The following DIAPH2 variants were observed in gnomAD, a reference collection of about 807,000 sequenced individuals.
The protein encoded by DIAPH2 is protein diaphanous homolog 2.
Under a neutral mutation model 92.7 loss-of-function variants are expected in DIAPH2, and 35 were observed. The ratio of observed to expected loss-of-function variants is 0.38; its 90% CI spans 0.29 to 0.50. The LOEUF (loss-of-function observed/expected upper bound fraction) is 0.50. Among genes scored for constraint, DIAPH2 ranks in the 20% least tolerant of loss-of-function variants. The probability of loss-of-function intolerance (pLI) is 0.94; values close to 1 mark genes in which losing one functional copy is unlikely to be tolerated. For missense variants in DIAPH2, 701 were observed against 819.5 expected (o/e 0.86, Z 1.77); for synonymous variants, 301 against 280.4 (o/e 1.07, Z -0.73).
At chrX:97,254,010 C>G (rs1297446834) in intron 23 of DIAPH2, among the ~76,000 whole-genome samples, 3 of 111,561 alleles carry the variant, frequency 2.7e-5, no homozygotes, top group Admixed American at 9.5e-5. Flanking sequence ...AAGGGGATTC[C>G]CCCTAAACCA....
At chrX:96,822,890 T>C (rs1444941164) in intron 4 of DIAPH2, among the ~76,000 whole-genome samples, 2 of 112,228 alleles carry the variant, frequency 1.8e-5, no homozygotes, top group Non-Finnish European at 3.8e-5. Flanking sequence ...ATGTGTATCC[T>C]AATAGAAATA....
At chrX:96,933,933 A>G (rs1328287613) in intron 10 of DIAPH2, among the ~76,000 whole-genome samples, 1 of 109,460 alleles carries the variant, frequency 9.1e-6, no homozygotes, top group Non-Finnish European at 1.9e-5. Context: ...TACATTTTCT[A>G]TAGAGACAGG....
In DIAPH2 at chrX:96,732,071, A is replaced by G. The variant is rs1356591361; in HGVS notation, c.133-3687A>G. Among the ~76,000 whole-genome samples the G allele has an allele frequency of 2.7e-5, 3 of 111,250 alleles. No individual in the cohort carries two copies. The Admixed American group carries it at 2.9e-4, about 11-fold the overall frequency. On this transcript the variant is annotated intron_variant, in intron 1 of 26. Transcript: ENST00000324765. ...GTAGCTCTGTAGTTTGTACACAGGAATGAAATCCATGTTTACTTGCATGTG... is the reference window on the plus strand; with the variant it reads ...GTAGCTCTGTAGTTTGTACACAGGAGTGAAATCCATGTTTACTTGCATGTG...
chrX:97,028,693 C>A (rs755422301), intron 17 of DIAPH2, among the ~76,000 whole-genome samples: 1 of 111,921 alleles, frequency 8.9e-6, no homozygotes, highest in Non-Finnish European at 1.9e-5. Flanking sequence ...GATGGTTTAT[C>A]CGTTCATCAG....
At chrX:96,776,400 G>A (rs1193989033) in intron 4 of DIAPH2, among the ~76,000 whole-genome samples, 2 of 109,330 alleles carry the variant, frequency 1.8e-5, no homozygotes, top group Admixed American at 9.9e-5. Flanking sequence ...TAGTAGAGAC[G>A]GGGTTTCACC....
intron 26 of DIAPH2, among the ~76,000 whole-genome samples, chrX:97,440,847 G>A (rs1243395400): frequency 9.1e-6 from 1 of 110,434 alleles, no homozygotes; most frequent in Non-Finnish European, 1.9e-5. Flanking sequence ...AGGGTAGGAG[G>A]GGGGTGAGAG....
intron 26 of DIAPH2, among the ~76,000 whole-genome samples, chrX:97,481,543 T>C (rs969070355): frequency 9.0e-6 from 1 of 111,468 alleles, no homozygotes; most frequent in Admixed American, 9.6e-5. Flanking sequence ...CCCAGTAGTA[T>C]TTTTGCTAAA....
intron 22 of DIAPH2, among the ~76,000 whole-genome samples, chrX:97,184,881 C>T (rs1251759157): frequency 9.0e-6 from 1 of 110,920 alleles, no homozygotes; most frequent in East Asian, 2.8e-4. Flanking sequence ...AATTTAATCA[C>T]TTTTTCTAAT....
intron 17 of DIAPH2, among the ~76,000 whole-genome samples, chrX:97,072,293 A>C (rs1233129364): frequency 8.9e-6 from 1 of 112,074 alleles, no homozygotes; most frequent in Non-Finnish European, 1.9e-5. Flanking sequence ...TTACCTTCTA[A>C]AGAAAGCAAA....
At chrX:97,124,144 C>T (rs1362372992) in intron 21 of DIAPH2, among the ~76,000 whole-genome samples, 1 of 112,094 alleles carries the variant, frequency 8.9e-6, no homozygotes, top group Non-Finnish European at 1.9e-5. Context: ...AAGCTAATTA[C>T]AGCAGAGGGA....
chrX:96,817,375 A>T (rs192542089), intron 4 of DIAPH2, among the ~76,000 whole-genome samples: 30 of 111,177 alleles, frequency 2.7e-4, no homozygotes, highest in South Asian at 3.8e-4. Context: ...CACAGAAATT[A>T]AAAATTGAAA....
chrX:97,137,235 T>G (rs2067176438), intron 21 of DIAPH2, among the ~76,000 whole-genome samples: 1 of 97,646 alleles, frequency 1.0e-5, no homozygotes. Flanking sequence ...TCAACCTCTG[T>G]GTGTGTGGTG....
At chrX:97,275,178 G>A (rs1336448290) in intron 23 of DIAPH2, among the ~76,000 whole-genome samples, 24 of 109,024 alleles carry the variant, frequency 2.2e-4, no homozygotes, top group Non-Finnish European at 4.2e-4. Context: ...ACGGGGTGGC[G>A]GCCGGGCAGA....
rs1164424156 is a variant in DIAPH2 at position 97,305,811 on chromosome X, G to A, written c.2845-42305G>A. Among the ~76,000 whole-genome samples the A allele has an allele frequency of 3.1e-4, 30 of 95,249 alleles. No individual in the cohort carries two copies. The Middle Eastern group carries it at 0.016, about 52-fold the overall frequency. 82.7% of individuals were successfully genotyped at this position (95,249 alleles called of 115,157 possible). A position where few individuals can be genotyped will look rare whatever the true frequency, so the allele number is the denominator to read the frequency against. On this transcript the variant is annotated intron_variant, in intron 23 of 26. Transcript: ENST00000324765. ...TGCACTCCAGCCTGGGCGACAGAGC[G>A]AGACTCCTTCTCCAAAAAAAAAAAA...
At chrX:97,438,241 C>T in intron 26 of DIAPH2, among the ~76,000 whole-genome samples, 2 of 107,611 alleles carry the variant, frequency 1.9e-5, no homozygotes, top group Non-Finnish European at 3.8e-5. Context: ...AGAATGACAA[C>T]TGATAATTGA....
chrX:96,745,298 G>A (rs753860302), intron 3 of DIAPH2, among the ~76,000 whole-genome samples: 1 of 111,574 alleles, frequency 9.0e-6, no homozygotes, highest in African/African-American at 3.3e-5. Context: ...GAGCCACCGT[G>A]CCCAGCCAAA....
intron 17 of DIAPH2, among the ~76,000 whole-genome samples, chrX:97,051,794 CAT>C (rs1444610392): frequency 2.7e-5 from 3 of 111,615 alleles, no homozygotes; most frequent in Non-Finnish European, 5.7e-5. Flanking sequence ...GATGAGACAA[CAT>C]GTGAAGAACT....
At chrX:96,962,284 T>TAC (rs1176040418) in intron 16 of DIAPH2, among the ~76,000 whole-genome samples, 1 of 73,569 alleles carries the variant, frequency 1.4e-5, no homozygotes, top group Non-Finnish European at 2.5e-5. Context: ...CATATATATA[T>TAC]ACATATATAT....
rs146782954 is a variant in DIAPH2, at chrX:97,128,864, G to C, written c.2590-12801G>C. ...TATTGGTAGTTCATTTTTATTTTGA[G>C]GTAGTATTCCATTGTATGGCTGTGC... On this transcript the variant is annotated intron_variant, in intron 21 of 26. Coordinates refer to ENST00000324765, the MANE Select transcript of DIAPH2 (RefSeq NM_006729.5). Among the ~76,000 whole-genome samples the C allele has an allele frequency of 8.0e-3, 898 of 111,564 alleles. 8 individuals are homozygous for C. Among genetic ancestry groups the C allele is most frequent in the African/African-American group, 0.028 (845 of 30,624 alleles).
Sources: gnomAD v4.1 joint callset for allele counts (sites outside exome capture counted in the v4.1 genomes callset) on GRCh38, gnomAD v4.1.1 for gene constraint, MANE v1.5 for transcripts, NCBI Gene and HGNC (gene_info 2026-07-23, HGNC 2026-07-21) for gene names.